RANBP3: variants seen among roughly 807,000 people sequenced by gnomAD.
RANBP3 encodes the protein ran-binding protein 3.
Under a neutral mutation model 77.3 loss-of-function variants are expected in RANBP3, and 14 were observed. The observed-to-expected ratio is 0.18, with a 90% CI of 0.12 to 0.28. The LOEUF (loss-of-function observed/expected upper bound fraction) is 0.28. RANBP3 is among the 10% of genes least tolerant of loss of function. The pLI, the probability that RANBP3 is intolerant of heterozygous loss-of-function variation, is 1.00. For synonymous variants in RANBP3, 315 were observed against 312.4 expected (o/e 1.01, Z -0.09); for missense variants, 586 against 752.3 (o/e 0.78, Z 2.59).
intron 2 of RANBP3, among the ~76,000 whole-genome samples, chr19:5,956,834 G>C (rs1394995776): frequency 6.6e-6 from 1 of 152,222 alleles, no homozygotes; most frequent in Admixed American, 6.5e-5. Flanking sequence ...CCTGTGAGGG[G>C]ACAGAAGCCA....
chr19:5,945,062 T>C (rs933077819), intron 3 of RANBP3, among the ~76,000 whole-genome samples: 3 of 152,164 alleles, frequency 2.0e-5, no homozygotes, highest in African/African-American at 7.2e-5. Flanking sequence ...AGGCCCCTTA[T>C]ACTCTTTCTC....
chr19:5,958,444 C>T lies in RANBP3; in HGVS notation c.23-471G>A, dbSNP rs931826804. On this transcript the variant is annotated intron_variant, in intron 1 of 16. Transcript: ENST00000340578. This position sits in a 1 kb window ranked among gnomAD's most constrained non-coding sequence, Gnocchi z 4.4. ...GACAGTTCTGGTAGAAGAATCCTAA[C>T]GCTCAACCTGGATCTCTAAGTGAGT... Among the ~76,000 whole-genome samples the T allele has an allele frequency of 1.3e-5, 2 of 152,266 alleles. No individual in the cohort carries two copies. Among genetic ancestry groups the T allele is most frequent in the Non-Finnish European group, 2.9e-5 (2 of 68,050 alleles).
At chr19:5,962,656 T>G in intron 1 of RANBP3, 1 of 456,016 alleles carries the variant, frequency 2.2e-6, no homozygotes, top group South Asian at 1.5e-5. Flanking sequence ...CTGGCATTCA[T>G]GACTGACCCA....
chr19:5,923,328 C>T, intron 12 of RANBP3, 25 bp from the exon 13 acceptor site: 1 of 1,604,222 alleles, frequency 6.2e-7, no homozygotes, highest in South Asian at 1.1e-5. Flanking sequence ...GCCAAAAAGA[C>T]TGACTGATTA....
intron 14 of RANBP3, among the ~76,000 whole-genome samples, chr19:5,918,855 T>C (rs1244524731): frequency 1.3e-5 from 2 of 152,116 alleles, no homozygotes; most frequent in East Asian, 3.9e-4. Flanking sequence ...CCTGGACCAC[T>C]GAAGGCCACA....
chr19:5,956,735 T>A (rs1176032576), intron 2 of RANBP3, among the ~76,000 whole-genome samples: 2 of 151,982 alleles, frequency 1.3e-5, no homozygotes, highest in Non-Finnish European at 2.9e-5. Flanking sequence ...CCGGGCCACA[T>A]CAAGATAAAT....
Position 5,921,061 on chromosome 19 carries a change from T to C in RANBP3, c.1330+140A>G. ...GCAGGGAGGGGGTTTGGGGGGCGGC[T>C]CTCATGGGAGACCGACTCTGTGCCT... On this transcript the variant is annotated intron_variant, in intron 14 of 16. Transcript: ENST00000340578. This position sits in a 1 kb window ranked among gnomAD's most constrained non-coding sequence, Gnocchi z 5.3. 1 of 1,111,982 alleles carries C rather than the reference T, an allele frequency of 9.0e-7. No homozygotes were observed. The highest frequency in any genetic ancestry group is 1.2e-6 in the Non-Finnish European group (1 of 817,782). The allele number at this position is 1,111,982 out of a possible 1,614,324, so 68.9% of individuals were successfully genotyped here. A position where few individuals can be genotyped will look rare whatever the true frequency, so the allele number is the denominator to read the frequency against.
At chr19:5,926,014 C>T (rs964373056) in intron 9 of RANBP3, among the ~76,000 whole-genome samples, 7 of 152,212 alleles carry the variant, frequency 4.6e-5, no homozygotes, top group African/African-American at 1.7e-4. Context: ...TATAAAACCA[C>T]GCCTAAGCTG....
intron 2 of RANBP3, among the ~76,000 whole-genome samples, chr19:5,951,951 C>T (rs984179239): frequency 2.0e-5 from 3 of 152,202 alleles, no homozygotes; most frequent in African/African-American, 7.2e-5. Context: ...AATATTAAAA[C>T]CCCTTCAGGA....
intron 5 of RANBP3, among the ~76,000 whole-genome samples, chr19:5,939,262 GT>G (rs1326139384): frequency 6.6e-6 from 1 of 152,174 alleles, no homozygotes; most frequent in Non-Finnish European, 1.5e-5. Flanking sequence ...TTCTTCACAG[GT>G]TGTTTTTAGA....
chr19:5,966,059 G>C (rs2058464551), intron 1 of RANBP3: 1 of 152,272 alleles, frequency 6.6e-6, no homozygotes, highest in Non-Finnish European at 1.5e-5. Context: ...TGCTGGCCAA[G>C]AACTACGTGT....
chr19:5,961,441 C>T (rs1203766256), intron 1 of RANBP3, among the ~76,000 whole-genome samples: 1 of 151,456 alleles, frequency 6.6e-6, no homozygotes. Flanking sequence ...AAAACAAAAA[C>T]TGCAGTGTCG....
chr19:5,960,560 G>A (rs1471833179), intron 1 of RANBP3, among the ~76,000 whole-genome samples: 1 of 152,178 alleles, frequency 6.6e-6, no homozygotes, highest in Non-Finnish European at 1.5e-5. Flanking sequence ...ACAGTACTTG[G>A]CACACTTTAT....
In RANBP3 at chr19:5,923,267, G is replaced by A; in HGVS notation, c.1136C>T (p.Ala379Val). 6.2e-7 allele frequency: 1 copy of A among 1,614,230 alleles called. No individual in the cohort carries two copies. The highest frequency in any genetic ancestry group is 8.5e-7 in the Non-Finnish European group (1 of 1,180,036). The change falls in exon 13 of 17, where the codon GCA becomes GTA. Residue 379 changes from alanine (A) to valine (V), a missense_variant. Physicochemically the swap from Ala to Val is moderately conservative, Grantham distance 64. Around this residue, in one of 5 missense-constraint regions of RANBP3, gnomAD observed 51 missense variants for 123.2 expected, o/e 0.41. Coordinates refer to ENST00000340578, the MANE Select transcript of RANBP3 (RefSeq NM_007322.3). ...TTCCAACAAACACTTCCGCGCTGTT[G>A]CCTTGGTGTAGGCGGCTGCCGACTC... is the stretch of plus-strand genomic sequence containing the variant. ...LAESAAAYTK[A>V]TARKCLLEKV...
Position 5,916,349 on chromosome 19 carries a change from T to C in RANBP3, c.*1261A>G. The C allele has an allele frequency of 6.6e-6, 1 of 152,326 alleles. No individual in the cohort carries two copies. The highest frequency in any genetic ancestry group is 1.5e-5 in the Non-Finnish European group (1 of 68,160). The allele number at this position is 152,326 out of a possible 1,614,324, so 9.4% of individuals were successfully genotyped here. On this transcript the variant is annotated 3_prime_UTR_variant, in exon 17 of 17. Coordinates refer to ENST00000340578, the MANE Select transcript of RANBP3 (RefSeq NM_007322.3). ...GCTGGGGGCCAGGGCTCTGGCGACC[T>C]AGAGGTGTGGACGGCACAGCTGCAG...
chr19:5,975,081 A>G (rs1471005125), intron 1 of RANBP3, among the ~76,000 whole-genome samples: 1 of 152,242 alleles, frequency 6.6e-6, no homozygotes, highest in African/African-American at 2.4e-5. Context: ...AAAGCTTCAA[A>G]AGGCACAGGC....
intron 8 of RANBP3, 48 bp downstream of exon 8, chr19:5,931,356 C>A: frequency 6.4e-7 from 1 of 1,565,714 alleles, no homozygotes. Context: ...CCCTCCCGCT[C>A]CCAAGGGGCC....
intron 15 of RANBP3, 108 bp downstream of exon 15, chr19:5,918,388 G>GC (rs1365356126): frequency 1.5e-6 from 1 of 688,304 alleles, no homozygotes; most frequent in Admixed American, 3.4e-5. Context: ...AGCAACTGAA[G>GC]CCCCTCCCCC....
intron 9 of RANBP3, 139 bp downstream of exon 9, chr19:5,927,829 G>A (rs975001872): frequency 3.1e-5 from 35 of 1,118,806 alleles, no homozygotes; most frequent in Non-Finnish European, 3.8e-5. Flanking sequence ...ACTGTGCCGT[G>A]AGCCATGGGG....
Sources: allele counts gnomAD v4.1 joint callset (sites outside exome capture counted in the v4.1 genomes callset), GRCh38; gene constraint gnomAD v4.1.1; regional missense constraint gnomAD v4.1.1; non-coding constraint Gnocchi (gnomAD v3.1); transcripts MANE v1.5; gene names NCBI Gene and HGNC (gene_info 2026-07-23, HGNC 2026-07-21).